UQCRB: variants seen among roughly 807,000 people sequenced by gnomAD.
UQCRB encodes ubiquinol-cytochrome c reductase binding protein, also known as cytochrome b-c1 complex subunit 7.
Under a neutral mutation model 19.8 loss-of-function variants are expected in UQCRB, and 12 were observed. That is an observed-to-expected ratio of 0.61 (90% CI 0.39 to 0.98). The LOEUF is 0.98. Among genes scored for constraint, UQCRB ranks in the 50% least tolerant of loss-of-function variants. UQCRB has a pLI of 0.00. For missense variants in UQCRB, 142 were observed against 131.8 expected (o/e 1.08, Z -0.38); for synonymous variants, 39 against 42.9 (o/e 0.91, Z 0.35).
chr8:96,224,196 T>C lies in UQCRB; in HGVS notation c.*6859A>G, dbSNP rs554325835. On this transcript the variant is annotated 3_prime_UTR_variant, in exon 4 of 4. Transcript: ENST00000287022. ...CAAAGAATGTCCAATGAAGGGACAA[T>C]TAACAAACGGCAGGCAAGGTCAAGG... 1.3e-5 allele frequency among the ~76,000 whole-genome samples: 2 copies of C among 152,170 alleles called. No individual in the cohort carries two copies. Among genetic ancestry groups the C allele is most frequent in the South Asian group, 2.1e-4 (1 of 4,818 alleles).
At position 96,231,950 on chromosome 8, in the gene UQCRB, A is replaced by G; in HGVS notation, c.92-10T>C. ...TCATCTCGCATTAACCCTATGATAG[A>G]TGACAAAGTTAGATTGCACATGCAT... On this transcript the variant is annotated splice_polypyrimidine_tract_variant and intron_variant, in intron 2 of 3. Coordinates refer to ENST00000287022, the MANE Select transcript of UQCRB (RefSeq NM_006294.5). 1 of 1,611,748 alleles carries G rather than the reference A, an allele frequency of 6.2e-7. No individual in the cohort carries two copies. Among genetic ancestry groups the G allele is most frequent in the East Asian group, 2.2e-5 (1 of 44,860 alleles).
At chr8:96,235,167 T>A (rs1809778199) in intron 1 of UQCRB, 36 of 467,614 alleles carry the variant, frequency 7.7e-5, no homozygotes, top group South Asian at 6.3e-4. Context: ...ACTGAGCTCA[T>A]TCGGGTTGAA....
rs1320123281 is a variant in UQCRB at position 96,229,873 on chromosome 8, A to G, written c.*1182T>C. 1 of 453,144 alleles carries G rather than the reference A, an allele frequency of 2.2e-6. No individual in the cohort carries two copies. The highest frequency in any genetic ancestry group is 4.4e-6 in the Non-Finnish European group (1 of 226,430). The allele number at this position is 453,144 out of a possible 1,614,324, so 28.1% of individuals were successfully genotyped here. A position where few individuals can be genotyped will look rare whatever the true frequency, so the allele number is the denominator to read the frequency against. ...TACACACATTTCTCATTGCTTTACA[A>G]ACTTTAAATGTAACACAAATTCGTT... On this transcript the variant is annotated 3_prime_UTR_variant, in exon 4 of 4. Transcript: ENST00000287022.
rs1272243441 is a variant in UQCRB at position 96,230,264 on chromosome 8, A to G, written c.*791T>C. The G allele has an allele frequency of 1.2e-5, 5 of 424,060 alleles. No individual in the cohort carries two copies. The highest frequency in any genetic ancestry group is 1.4e-5 in the Non-Finnish European group (3 of 212,336). The allele number at this position is 424,060 out of a possible 1,614,324, so 26.3% of individuals were successfully genotyped here. A position where few individuals can be genotyped will look rare whatever the true frequency, so the allele number is the denominator to read the frequency against. On this transcript the variant is annotated 3_prime_UTR_variant, in exon 4 of 4. Transcript: ENST00000287022. ...CTAATTTTTTGTATTTTTAGTAGAGACAGGGTTTCACCATGTTGGCCAGGC... is the reference window on the plus strand; with the variant it reads ...CTAATTTTTTGTATTTTTAGTAGAGGCAGGGTTTCACCATGTTGGCCAGGC...
intron 2 of UQCRB, 24 bp downstream of exon 2, chr8:96,233,132 A>C: frequency 6.2e-7 from 1 of 1,608,230 alleles, no homozygotes; most frequent in Middle Eastern, 1.7e-4. Flanking sequence ...ACAACAAAAA[A>C]CATTAAACAG....
chr8:96,231,790 C>T lies in UQCRB; in HGVS notation c.242G>A (p.Trp81Ter). Residue 81 changes from tryptophan to a stop codon, truncating the protein, a stop_gained, in exon 3 of 4, where the codon TGG (tryptophan) becomes TAG (stop). Coordinates refer to ENST00000287022, the MANE Select transcript of UQCRB (RefSeq NM_006294.5). LOFTEE classifies it high-confidence loss of function. ...CTGTGCTACCTCTTCATATTTGGTC[C>T]ACTGCTCTTTAGGCAAGATCTGATG... The part of the protein sequence containing the change: ...LKHQILPKEQ[W>*]TKYEEENFYL... 5.6e-6 allele frequency: 9 copies of T among 1,614,144 alleles called. No homozygotes were observed. Among genetic ancestry groups the T allele is most frequent in the Non-Finnish European group, 7.6e-6 (9 of 1,180,020 alleles).
rs1433114546 is a variant in UQCRB at position 96,225,104 on chromosome 8, G to C, written c.*5951C>G. On this transcript the variant is annotated 3_prime_UTR_variant, in exon 4 of 4. Coordinates refer to ENST00000287022, the MANE Select transcript of UQCRB (RefSeq NM_006294.5). ...CAGGTTTGGGAAGGGGGAAGAGGGA[G>C]CTAAGAGGAAAACTAAACAAATAAG... Among the ~76,000 whole-genome samples the C allele has an allele frequency of 6.6e-6, 1 of 152,166 alleles. No individual in the cohort carries two copies. The highest frequency in any genetic ancestry group is 6.5e-5 in the Admixed American group (1 of 15,274).
chr8:96,230,957 TAAAGTAAAA>T lies in UQCRB; in HGVS notation c.*89_*97del. 1.6e-6 allele frequency: 2 copies of T among 1,278,886 alleles called. No homozygotes were observed. The highest frequency in any genetic ancestry group is 2.3e-6 in the Non-Finnish European group (2 of 877,468). The allele number at this position is 1,278,886 out of a possible 1,614,324, so 79.2% of individuals were successfully genotyped here. ...CCAGCCATTACAATAGACATTTATT[TAAAGTAAAA>T]CATCTTCAGACCAAATAATTCTTAA... On this transcript the variant is annotated 3_prime_UTR_variant, in exon 4 of 4. Coordinates refer to ENST00000287022, the MANE Select transcript of UQCRB (RefSeq NM_006294.5).
intron 2 of UQCRB, 62 bp downstream of exon 2, chr8:96,233,090 AAAAC>A: frequency 6.5e-7 from 1 of 1,540,638 alleles, no homozygotes; most frequent in Non-Finnish European, 8.8e-7. Context: ...TACTCTCAGA[AAAAC>A]AAAAAAAAAA....
At chr8:96,233,367 T>C in intron 1 of UQCRB, 140 bp from the exon 2 acceptor site, 1 of 686,486 alleles carries the variant, frequency 1.5e-6, no homozygotes, top group Non-Finnish European at 2.5e-6. Context: ...ATATAGTATA[T>C]ACAGCAAGAA....
intron 1 of UQCRB, 125 bp from the exon 2 acceptor site, chr8:96,233,352 A>G (rs954178736): frequency 3.4e-6 from 3 of 877,280 alleles, no homozygotes; most frequent in Non-Finnish European, 5.6e-6. Flanking sequence ...TTTCCTTTTA[A>G]AAGTATATAG....
rs950946492 is a variant in UQCRB, at chr8:96,230,238, G to A, written c.*817C>T. Reference sequence around the variant, plus strand: ...TTACAGGTGCCTACCATCACGCCTAGCTAATTTTTTGTATTTTTAGTAGAG... The same window carrying A: ...TTACAGGTGCCTACCATCACGCCTAACTAATTTTTTGTATTTTTAGTAGAG... On this transcript the variant is annotated 3_prime_UTR_variant, in exon 4 of 4. Coordinates refer to ENST00000287022, the MANE Select transcript of UQCRB (RefSeq NM_006294.5). The A allele has an allele frequency of 2.3e-6, 1 of 428,754 alleles. No homozygotes were observed. Among genetic ancestry groups the A allele is most frequent in the African/African-American group, 2.0e-5 (1 of 48,794 alleles). 26.6% of individuals were successfully genotyped at this position (428,754 alleles called of 1,614,324 possible).
At chr8:96,234,173 C>T in intron 1 of UQCRB, 1 of 190,872 alleles carries the variant, frequency 5.2e-6, no homozygotes, top group South Asian at 7.4e-5. Flanking sequence ...CAGTGCACTA[C>T]AGATTACGTG....
intron 3 of UQCRB, 62 bp downstream of exon 3, chr8:96,231,712 C>T (rs1809679551): frequency 1.9e-6 from 3 of 1,603,602 alleles, no homozygotes; most frequent in Admixed American, 3.3e-5. Flanking sequence ...GAACATGTTT[C>T]TCTTGTTTCT....
chr8:96,225,126 T>C lies in UQCRB; in HGVS notation c.*5929A>G, dbSNP rs1174342357. Reference sequence around the variant, plus strand: ...GGAGCTAAGAGGAAAACTAAACAAATAAGGAAAAGGCTGTGAAAATTAAAA... The same window carrying C: ...GGAGCTAAGAGGAAAACTAAACAAACAAGGAAAAGGCTGTGAAAATTAAAA... On this transcript the variant is annotated 3_prime_UTR_variant, in exon 4 of 4. Coordinates refer to ENST00000287022, the MANE Select transcript of UQCRB (RefSeq NM_006294.5). 1.3e-5 allele frequency among the ~76,000 whole-genome samples: 2 copies of C among 151,554 alleles called. No individual in the cohort carries two copies. Among genetic ancestry groups the C allele is most frequent in the Admixed American group, 1.3e-4 (2 of 15,204 alleles).
chr8:96,231,789 C>A lies in UQCRB; in HGVS notation c.243G>T (p.Trp81Cys). The A allele has an allele frequency of 6.2e-7, 1 of 1,614,134 alleles. No individual in the cohort carries two copies. Residue 81 changes from tryptophan to cysteine, a missense_variant, in exon 3 of 4, where the codon TGG (tryptophan) becomes TGT (cysteine). Transcript: ENST00000287022. Reference sequence around the variant, plus strand: ...GCTGTGCTACCTCTTCATATTTGGTCCACTGCTCTTTAGGCAAGATCTGAT... The same window carrying A: ...GCTGTGCTACCTCTTCATATTTGGTACACTGCTCTTTAGGCAAGATCTGAT... ...LKHQILPKEQ[W>C]TKYEEENFYL...
At position 96,229,066 on chromosome 8, in the gene UQCRB, G is replaced by A. The variant is rs1329541854; in HGVS notation, c.*1989C>T. On this transcript the variant is annotated 3_prime_UTR_variant, in exon 4 of 4. Coordinates refer to ENST00000287022, the MANE Select transcript of UQCRB (RefSeq NM_006294.5). The stretch of plus-strand genomic sequence containing the variant: ...TCTTAGTCTTCATAACAAGCAGGAC[G>A]ATAACCATAATTTATAATGAACACA... 12 of 453,868 alleles carry A rather than the reference G, an allele frequency of 2.6e-5. No homozygotes were observed. The highest frequency in any genetic ancestry group is 7.1e-5 in the Admixed American group (3 of 42,538). The allele number at this position is 453,868 out of a possible 1,614,324, so 28.1% of individuals were successfully genotyped here.
rs1468890619 is a variant in UQCRB at position 96,229,937 on chromosome 8, C to T, written c.*1118G>A. On this transcript the variant is annotated 3_prime_UTR_variant, in exon 4 of 4. Coordinates refer to ENST00000287022, the MANE Select transcript of UQCRB (RefSeq NM_006294.5). The stretch of plus-strand genomic sequence containing the variant: ...TGTTATTTGAGGTAAGGCATTCCTG[C>T]CACACACAGCAATGACTTGTCCTGG... 7 of 454,090 alleles carry T rather than the reference C, an allele frequency of 1.5e-5. No individual in the cohort carries two copies. Among genetic ancestry groups the T allele is most frequent in the Admixed American group, 7.0e-5 (3 of 42,568 alleles). The allele number at this position is 454,090 out of a possible 1,614,324, so 28.1% of individuals were successfully genotyped here.
intron 1 of UQCRB, chr8:96,234,519 G>GT: frequency 7.8e-7 from 1 of 1,287,676 alleles, no homozygotes; most frequent in South Asian, 1.2e-5. Flanking sequence ...CTTGAATTTA[G>GT]TAAGACTCCT....
Sources: allele counts gnomAD v4.1 joint callset (sites outside exome capture counted in the v4.1 genomes callset), GRCh38; gene constraint gnomAD v4.1.1; transcripts MANE v1.5; gene names NCBI Gene and HGNC (gene_info 2026-07-23, HGNC 2026-07-21).